The following ARHGEF9 variants were observed in gnomAD, a reference collection of about 807,000 sequenced individuals.
ARHGEF9 encodes rho guanine nucleotide exchange factor 9.
In ARHGEF9, 2 loss-of-function variants were observed where a neutral mutation model predicts 41.3. That is an observed-to-expected ratio of 0.05 (90% confidence interval 0.02 to 0.15). ARHGEF9 has a LOEUF of 0.15. Ranked by LOEUF, ARHGEF9 falls within the 10% of genes least tolerant of loss-of-function variation. ARHGEF9 has a pLI of 1.00. For synonymous variants in ARHGEF9, 160 were observed against 154.4 expected (o/e 1.04, Z -0.27); for missense variants, 225 against 424.7 (o/e 0.53, Z 4.13).
chrX:63,754,876 G>C, intron 1 of ARHGEF9: 4 of 939,449 alleles, frequency 4.3e-6, no homozygotes, highest in Non-Finnish European at 5.3e-6. Flanking sequence ...CGGGCGCCAC[G>C]GGAAAGGCAA....
chrX:63,706,197 A>C, intron 3 of ARHGEF9, 61 bp downstream of exon 3: 11 of 1,082,174 alleles, frequency 1.0e-5, no homozygotes, highest in Non-Finnish European at 1.3e-5. Context: ...TGTCACAGGC[A>C]GGGCCCAGGA....
chrX:63,700,039 G>T (rs1292722078), intron 3 of ARHGEF9, among the ~76,000 whole-genome samples: 1 of 111,660 alleles, frequency 9.0e-6, no homozygotes, highest in Non-Finnish European at 1.9e-5. Flanking sequence ...AAAAGTCTTT[G>T]CCAGAGAGTG....
chrX:63,782,455 G>T (rs1204421114), intron 1 of ARHGEF9, among the ~76,000 whole-genome samples: 1 of 112,225 alleles, frequency 8.9e-6, no homozygotes, highest in East Asian at 2.8e-4. Context: ...TGGCATTGCA[G>T]AAAGAAGCCA....
intron 6 of ARHGEF9, among the ~76,000 whole-genome samples, chrX:63,666,502 C>T (rs1406679367): frequency 5.5e-5 from 4 of 72,953 alleles, no homozygotes; most frequent in Non-Finnish European, 1.1e-4. Flanking sequence ...ATATATTTCT[C>T]CATCTCTCTT....
chrX:63,652,641 G>A (rs1432943876), intron 8 of ARHGEF9, among the ~76,000 whole-genome samples: 1 of 111,234 alleles, frequency 9.0e-6, no homozygotes, highest in African/African-American at 3.3e-5. Flanking sequence ...AAAGTGTGAT[G>A]AATTTATTGA....
intron 2 of ARHGEF9, among the ~76,000 whole-genome samples, chrX:63,716,303 A>G (rs1488429170): frequency 5.4e-5 from 6 of 110,986 alleles, no homozygotes; most frequent in African/African-American, 1.3e-4. Flanking sequence ...AAAAAAAAAA[A>G]AAGAAGAAGA....
chrX:63,753,075 A>ATT (rs781969414), intron 1 of ARHGEF9, among the ~76,000 whole-genome samples: 1 of 112,308 alleles, frequency 8.9e-6, no homozygotes, highest in African/African-American at 3.2e-5. Flanking sequence ...GGCATGAGAC[A>ATT]TTTTTTTTCC....
intron 8 of ARHGEF9, among the ~76,000 whole-genome samples, chrX:63,651,203 G>A (rs1556328440): frequency 1.8e-5 from 2 of 110,854 alleles, no homozygotes; most frequent in South Asian, 3.8e-4. Context: ...CAGTTTTTAC[G>A]GCAGTGTTTT....
At chrX:63,683,905 C>T (rs2050816210) in intron 4 of ARHGEF9, among the ~76,000 whole-genome samples, 1 of 110,715 alleles carries the variant, frequency 9.0e-6, no homozygotes, top group South Asian at 3.8e-4. Flanking sequence ...AAAAGCACTA[C>T]TGCTGTGCTT....
rs2147114206 is a variant in ARHGEF9, at chrX:63,638,108, C to T, written c.1492G>A (p.Val498Ile). 8.3e-7 allele frequency: 1 copy of T among 1,209,428 alleles called. No individual in the cohort carries two copies. The highest frequency in any genetic ancestry group is 1.1e-6 in the Non-Finnish European group (1 of 894,588). The change falls in exon 10 of 10, where the codon GTC becomes ATC. Residue 498 changes from valine (V) to isoleucine (I), a missense_variant. Coordinates refer to ENST00000671741, the MANE Select transcript of ARHGEF9 (RefSeq NM_001353921.2). The stretch of plus-strand genomic sequence containing the variant: ...CGCTTGGGTTCGGTGAACTCAAAGA[C>T]CTGCGACTGAGCGATGCCGTCGGGG... ...LVPDGIAQSQ[V>I]FEFTEPKRSQ... is the part of the protein sequence containing the mutation.
At chrX:63,666,837 C>T (rs1432492534) in intron 6 of ARHGEF9, among the ~76,000 whole-genome samples, 2 of 111,841 alleles carry the variant, frequency 1.8e-5, no homozygotes, top group African/African-American at 6.5e-5. Flanking sequence ...AAATAGGCAC[C>T]AAGACACCTA....
Position 63,636,604 on chromosome X carries a change from C to T in ARHGEF9, c.*1424G>A, listed in dbSNP as rs181008891. The T allele has an allele frequency of 5.0e-4, 115 of 228,844 alleles. No homozygotes were observed. The highest frequency in any genetic ancestry group is 2.9e-3 in the African/African-American group (101 of 34,663). 18.9% of individuals were successfully genotyped at this position (228,844 alleles called of 1,213,427 possible). ...CAGAACAGCTTTAACTATATCAATA[C>T]CAAAAATCCTCCTGTGCTAGGATGG... On this transcript the variant is annotated 3_prime_UTR_variant, in exon 10 of 10. Coordinates refer to ENST00000671741, the MANE Select transcript of ARHGEF9 (RefSeq NM_001353921.2).
At chrX:63,710,651 C>T (rs1556406239) in intron 2 of ARHGEF9, among the ~76,000 whole-genome samples, 1 of 110,245 alleles carries the variant, frequency 9.1e-6, no homozygotes, top group East Asian at 2.8e-4. Context: ...AAAAAAAATA[C>T]TAAACAAACT....
intron 1 of ARHGEF9, chrX:63,766,859 C>T (rs1326597369): frequency 9.1e-6 from 3 of 330,302 alleles, no homozygotes; most frequent in African/African-American, 8.1e-5. Context: ...CGCGGCCCCT[C>T]ATCCACTCCG....
intron 1 of ARHGEF9, among the ~76,000 whole-genome samples, chrX:63,738,471 AG>A (rs1228136008): frequency 9.8e-5 from 11 of 111,727 alleles, no homozygotes; most frequent in African/African-American, 3.6e-4. Flanking sequence ...ACTTCTTGGC[AG>A]GGCTGTGCCA....
chrX:63,779,593 C>T (rs782702788), intron 1 of ARHGEF9, among the ~76,000 whole-genome samples: 2 of 111,791 alleles, frequency 1.8e-5, no homozygotes, highest in African/African-American at 6.5e-5. Flanking sequence ...GGGGTGGGGA[C>T]ACAGCAAAAC....
chrX:63,704,831 G>C (rs781944423), intron 3 of ARHGEF9, among the ~76,000 whole-genome samples: 23 of 112,038 alleles, frequency 2.1e-4, no homozygotes, highest in African/African-American at 7.5e-4. Flanking sequence ...CAGACCTCTT[G>C]TTCTTTCTAC....
chrX:63,753,878 A>G (rs1336657284), intron 1 of ARHGEF9, among the ~76,000 whole-genome samples: 1 of 111,815 alleles, frequency 8.9e-6, no homozygotes, highest in Non-Finnish European at 1.9e-5. Flanking sequence ...CTCCTTAGAC[A>G]CTAAAGAAGC....
At chrX:63,655,779 C>T (rs370406409) in intron 7 of ARHGEF9, 42 bp from the exon 8 acceptor site, 57 of 1,194,443 alleles carry the variant, frequency 4.8e-5, no homozygotes, top group South Asian at 3.4e-4. Context: ...ATGTGCACGG[C>T]GAGTACTAGA....
Sources: gnomAD v4.1 joint callset for allele counts (sites outside exome capture counted in the v4.1 genomes callset) on GRCh38, gnomAD v4.1.1 for gene constraint, MANE v1.5 for transcripts, NCBI Gene and HGNC (gene_info 2026-07-23, HGNC 2026-07-21) for gene names.